Variants in IL1R1 observed in about 807,000 individuals in gnomAD.
IL1R1 encodes the protein interleukin 1 receptor type 1, also known as interleukin-1 receptor type 1.
IL1R1 carries 22 observed loss-of-function variants against 50.2 expected under a neutral mutation model. That is an observed-to-expected ratio of 0.44 (90% confidence interval 0.31 to 0.63). IL1R1 has a LOEUF of 0.63. Among genes scored for constraint, IL1R1 ranks in the 20% least tolerant of loss-of-function variants. The pLI, the probability that IL1R1 is intolerant of heterozygous loss-of-function variation, is 0.07. For synonymous variants in IL1R1, 251 were observed against 236.7 expected, an observed-to-expected ratio of 1.06 and a Z score of -0.55; for missense variants, 509 against 676.2, an observed-to-expected ratio of 0.75 and a Z score of 2.74.
chr2:102,172,630 T>C, intron 8 of IL1R1, 57 bp from the exon 9 acceptor site: 1 of 1,455,686 alleles, frequency 6.9e-7, no homozygotes, highest in Non-Finnish European at 9.4e-7. Flanking sequence ...ATACAGGTCT[T>C]ATTTGTAGTT....
chr2:102,153,887 G>A (rs1683923828), intron 1 of IL1R1, 54 bp from the exon 2 acceptor site: 1 of 152,240 alleles, frequency 6.6e-6, no homozygotes, highest in Non-Finnish European at 1.5e-5. Context: ...CACAGCAATT[G>A]GTGCCTTTAG....
At chr2:102,168,122 C>CT (rs894122676) in intron 6 of IL1R1, among the ~76,000 whole-genome samples, 2 of 152,146 alleles carry the variant, frequency 1.3e-5, no homozygotes, top group Non-Finnish European at 2.9e-5. Context: ...CTTCTTGATA[C>CT]TTTTTTGCCT....
At chr2:102,121,243 C>T (rs745505419) in intron 1 of IL1R1, among the ~76,000 whole-genome samples, 15 of 152,192 alleles carry the variant, frequency 9.9e-5, no homozygotes, top group Admixed American at 2.6e-4. Context: ...CTGCAGATGT[C>T]CGCCCCCCAA....
At chr2:102,175,888 A>G (rs996759769) in intron 11 of IL1R1, 1 of 596,262 alleles carries the variant, frequency 1.7e-6, no homozygotes, top group Non-Finnish European at 3.0e-6. Context: ...GTTAAACCCA[A>G]CAGTTGCTTT....
upstream of IL1R1, among the ~76,000 whole-genome samples, chr2:102,103,387 C>G (rs1680233658): frequency 6.6e-6 from 1 of 151,974 alleles, no homozygotes; most frequent in Non-Finnish European, 1.5e-5. Context: ...TGAGTGGTGT[C>G]AATTGGCTAG....
At chr2:102,157,225 A>T (rs551631656) in intron 2 of IL1R1, among the ~76,000 whole-genome samples, 1 of 152,242 alleles carries the variant, frequency 6.6e-6, no homozygotes, top group Admixed American at 6.5e-5. Flanking sequence ...ATCCTATTGT[A>T]CAAGCAATTT....
chr2:102,128,423 C>T (rs1035543715), intron 1 of IL1R1, among the ~76,000 whole-genome samples: 2 of 152,134 alleles, frequency 1.3e-5, no homozygotes, highest in African/African-American at 4.8e-5. Flanking sequence ...TATAAATACC[C>T]AAATATAATG....
At chr2:102,134,246 G>C (rs1423855451) in intron 1 of IL1R1, among the ~76,000 whole-genome samples, 1 of 102,914 alleles carries the variant, frequency 9.7e-6, no homozygotes, top group African/African-American at 4.5e-5. Context: ...CGATGTGCCT[G>C]GCACTGTTCT....
At chr2:102,167,443 T>TG (rs1685280625) in intron 6 of IL1R1, among the ~76,000 whole-genome samples, 1 of 4,576 alleles carries the variant, frequency 2.2e-4, no homozygotes, top group South Asian at 6.4e-3. Context: ...AGGTTAAGTG[T>TG]TTTTTTTTTT....
chr2:102,116,837 C>A (rs1226411011), intron 1 of IL1R1, among the ~76,000 whole-genome samples: 1 of 152,114 alleles, frequency 6.6e-6, no homozygotes, highest in African/African-American at 2.4e-5. Context: ...CTGGTGTCTT[C>A]TTTATGACCT....
At chr2:102,140,430 T>A (rs533816416), upstream of IL1R1, among the ~76,000 whole-genome samples, 1 of 152,308 alleles carries the variant, frequency 6.6e-6, no homozygotes, top group South Asian at 2.1e-4. Flanking sequence ...CTCAGTTAAG[T>A]CTCCTGAATG....
At chr2:102,166,394 A>G (rs1685184782) in intron 6 of IL1R1, 113 bp downstream of exon 6, 1 of 716,190 alleles carries the variant, frequency 1.4e-6, no homozygotes, top group African/African-American at 1.8e-5. Context: ...GACCTCAATG[A>G]TACCACAAAA....
Position 102,157,732 on chromosome 2 carries a change from T to A in IL1R1, c.8T>A (p.Val3Glu), listed in dbSNP as rs779905023. 3 of 1,601,734 alleles carry A rather than the reference T, an allele frequency of 1.9e-6. No homozygotes were observed. Among genetic ancestry groups the A allele is most frequent in the Admixed American group, 1.7e-5 (1 of 59,952 alleles). MK[V>E]LLRLICFIAL... The stretch of plus-strand genomic sequence containing the variant: ...CCATTTCTCCAGAAGAATATGAAAG[T>A]GTTACTCAGACTTATTTGTTTCATA... Residue 3 changes from valine (V) to glutamate (E), a missense_variant, in exon 3 of 12, where the codon GTG (valine) becomes GAG (glutamate). Physicochemically the swap from Val to Glu is moderately radical, Grantham distance 121 (BLOSUM62 -2). Coordinates refer to ENST00000410023, the MANE Select transcript of IL1R1 (RefSeq NM_000877.4).
At chr2:102,147,640 C>T (rs770914025) in intron 1 of IL1R1, among the ~76,000 whole-genome samples, 3 of 151,826 alleles carry the variant, frequency 2.0e-5, no homozygotes, top group Non-Finnish European at 2.9e-5. Flanking sequence ...ATGGAAAAGT[C>T]AGACTTCAAC....
intron 1 of IL1R1, among the ~76,000 whole-genome samples, chr2:102,078,607 A>C (rs1433830321): frequency 1.5e-5 from 2 of 135,296 alleles, no homozygotes; most frequent in African/African-American, 2.6e-5. Context: ...CACAAGAAAA[A>C]AAAAAGGAAA....
rs1686210397 is a variant in IL1R1, at chr2:102,177,127, ATGG to A, written c.*372_*374del. ...CTAAAAATACAAAAATGAGCTAGGC[ATGG>A]TGGCACACGCCTGTAATCCCAGCTA... On this transcript the variant is annotated 3_prime_UTR_variant, in exon 12 of 12. Transcript: ENST00000410023. 2 of 221,364 alleles carry A rather than the reference ATGG, an allele frequency of 9.0e-6. No homozygotes were observed. Among genetic ancestry groups the A allele is most frequent in the Non-Finnish European group, 1.8e-5 (2 of 108,120 alleles). 13.7% of individuals were successfully genotyped at this position (221,364 alleles called of 1,614,324 possible). A position where few individuals can be genotyped will look rare whatever the true frequency, so the allele number is the denominator to read the frequency against.
At chr2:102,115,174 A>G (rs1455270167) in intron 1 of IL1R1, among the ~76,000 whole-genome samples, 2 of 152,222 alleles carry the variant, frequency 1.3e-5, no homozygotes, top group African/African-American at 4.8e-5. Context: ...TCAGGTGATC[A>G]TACTGTGCAG....
chr2:102,162,949 C>T (rs1474655582), intron 3 of IL1R1, among the ~76,000 whole-genome samples: 1 of 152,102 alleles, frequency 6.6e-6, no homozygotes, highest in East Asian at 1.9e-4. Flanking sequence ...CTGGTGATGA[C>T]ATTTTACAGC....
intron 3 of IL1R1, among the ~76,000 whole-genome samples, chr2:102,160,038 G>A (rs189457407): frequency 9.1e-4 from 139 of 152,122 alleles, no homozygotes; most frequent in African/African-American, 3.1e-3. Flanking sequence ...TGATTTATGA[G>A]ACCCCCACTC....
Sources: allele counts gnomAD v4.1 joint callset (sites outside exome capture counted in the v4.1 genomes callset), GRCh38; gene constraint gnomAD v4.1.1; transcripts MANE v1.5; gene names NCBI Gene and HGNC (gene_info 2026-07-23, HGNC 2026-07-21).